Variants in CAPN9 observed in about 807,000 individuals in gnomAD.
CAPN9 encodes calpain 9, also known as calpain-9.
CAPN9 carries 81 observed loss-of-function variants against 92.8 expected under a neutral mutation model. The ratio of observed to expected loss-of-function variants is 0.87; its 90% confidence interval spans 0.73 to 1.05. CAPN9 has a LOEUF of 1.05. CAPN9 is among the 50% of genes least tolerant of loss of function. The probability of loss-of-function intolerance (pLI) is 0.00; values close to 1 mark genes in which losing one functional copy is unlikely to be tolerated. For missense variants in CAPN9, 848 were observed against 866.2 expected, an observed-to-expected ratio of 0.98 and a Z score of 0.26; for synonymous variants, 304 against 328.0, an observed-to-expected ratio of 0.93 and a Z score of 0.79.
chr1:230,787,515 T>G lies in CAPN9; in HGVS notation c.1519-7T>G. On this transcript the variant is annotated splice_region_variant and splice_polypyrimidine_tract_variant and intron_variant, in intron 12 of 19. Transcript: ENST00000271971. ...ATTTTGTGCAAGTTTCTTTGGCTGT[T>G]TTTTAGCCTCCAAAGCCAACTCCAC... is the stretch of plus-strand genomic sequence containing the variant. 6.2e-7 allele frequency: 1 copy of G among 1,613,194 alleles called. No homozygotes were observed. Among genetic ancestry groups the G allele is most frequent in the South Asian group, 1.1e-5 (1 of 91,010 alleles).
At chr1:230,774,505 T>G in intron 7 of CAPN9, 49 bp from the exon 8 acceptor site, 1 of 1,227,096 alleles carries the variant, frequency 8.1e-7, no homozygotes, top group Non-Finnish European at 1.2e-6. Context: ...AGGCCATTGT[T>G]GCTCTTCATC....
intron 3 of CAPN9, 110 bp from the exon 4 acceptor site, chr1:230,762,542 TG>T: frequency 7.8e-7 from 1 of 1,282,024 alleles, no homozygotes; most frequent in Non-Finnish European, 1.1e-6. Flanking sequence ...AAGCTGTCTA[TG>T]GGTAGCTTGG....
chr1:230,773,276 T>C (rs1412953954), intron 7 of CAPN9, among the ~76,000 whole-genome samples: 1 of 152,068 alleles, frequency 6.6e-6, no homozygotes, highest in African/African-American at 2.4e-5. Context: ...CCAAGAAGCA[T>C]TGGCAGAGAT....
At chr1:230,752,714 TGAG>T in intron 1 of CAPN9, 1 of 985,040 alleles carries the variant, frequency 1.0e-6, no homozygotes, top group Non-Finnish European at 1.2e-6. Context: ...TATGTCCACT[TGAG>T]GAGTGAGTAG....
At chr1:230,780,923 T>C (rs987843626) in intron 11 of CAPN9, among the ~76,000 whole-genome samples, 1 of 151,980 alleles carries the variant, frequency 6.6e-6, no homozygotes, top group African/African-American at 2.4e-5. Context: ...TGGAGTGCAA[T>C]GGTGCCATCT....
intron 17 of CAPN9, among the ~76,000 whole-genome samples, chr1:230,794,343 T>C (rs978885154): frequency 6.6e-6 from 1 of 152,004 alleles, no homozygotes; most frequent in Non-Finnish European, 1.5e-5. Context: ...TAACCAGTTG[T>C]GGTGGCAGGT....
intron 8 of CAPN9, among the ~76,000 whole-genome samples, chr1:230,775,101 A>C (rs1021536608): frequency 4.0e-5 from 6 of 151,890 alleles, no homozygotes; most frequent in African/African-American, 1.5e-4. Flanking sequence ...ATACACCCAG[A>C]TTAGAGGGAA....
At chr1:230,758,654 C>T (rs999862515) in intron 2 of CAPN9, among the ~76,000 whole-genome samples, 21 of 152,324 alleles carry the variant, frequency 1.4e-4, no homozygotes, top group Middle Eastern at 3.4e-3. Context: ...CAGTGACATA[C>T]GGTGCTTTCC....
chr1:230,792,552 G>A, intron 16 of CAPN9, 58 bp downstream of exon 16: 2 of 1,379,762 alleles, frequency 1.4e-6, no homozygotes, highest in East Asian at 2.3e-5. Context: ...TAGAGCAGAG[G>A]GGATTTAAAA....
chr1:230,791,090 G>T (rs567179033), intron 14 of CAPN9, among the ~76,000 whole-genome samples: 2 of 152,230 alleles, frequency 1.3e-5, no homozygotes, highest in Non-Finnish European at 2.9e-5. Flanking sequence ...ACATTCCATC[G>T]TATGGATGGG....
intron 8 of CAPN9, 132 bp from the exon 9 acceptor site, chr1:230,778,841 T>C: frequency 1.2e-5 from 9 of 778,482 alleles, no homozygotes; most frequent in Non-Finnish European, 1.6e-5. Context: ...CCCCACACTT[T>C]GCAGTCCCCC....
chr1:230,788,875 A>G (rs1389506399), intron 13 of CAPN9, among the ~76,000 whole-genome samples: 2 of 152,200 alleles, frequency 1.3e-5, no homozygotes, highest in Admixed American at 6.5e-5. Flanking sequence ...ATGGAGATCC[A>G]GAGTTTGGAA....
In CAPN9 at chr1:230,801,818, GGC is replaced by G; in HGVS notation, c.*225_*226del. 1 of 572,580 alleles carries G rather than the reference GGC, an allele frequency of 1.7e-6. No homozygotes were observed. The highest frequency in any genetic ancestry group is 3.1e-6 in the Non-Finnish European group (1 of 319,980). The allele number at this position is 572,580 out of a possible 1,614,324, so 35.5% of individuals were successfully genotyped here. On this transcript the variant is annotated 3_prime_UTR_variant, in exon 20 of 20. Transcript: ENST00000271971. ...AAGTCACTGCCTTAAGGGGGCTGAT[GGC>G]GCCACCTGTGCCTTACATCCAGGTT...
intron 4 of CAPN9, among the ~76,000 whole-genome samples, chr1:230,766,379 G>A (rs936948594): frequency 5.9e-5 from 9 of 152,166 alleles, no homozygotes; most frequent in African/African-American, 1.2e-4. Flanking sequence ...CACAATGTGC[G>A]ATGATCAAAT....
intron 1 of CAPN9, among the ~76,000 whole-genome samples, chr1:230,751,899 C>T (rs1323390756): frequency 6.6e-6 from 1 of 151,344 alleles, no homozygotes; most frequent in Non-Finnish European, 1.5e-5. Context: ...GTGCCTCCCT[C>T]GGGGCTTCAG....
intron 6 of CAPN9, among the ~76,000 whole-genome samples, chr1:230,770,985 C>T: frequency 6.6e-6 from 1 of 152,152 alleles, no homozygotes; most frequent in Non-Finnish European, 1.5e-5. Context: ...CTCCTTTGTC[C>T]TCCTTCACCA....
At chr1:230,780,361 C>T (rs1273733448) in intron 10 of CAPN9, 25 bp downstream of exon 10, 1 of 1,611,286 alleles carries the variant, frequency 6.2e-7, no homozygotes, top group African/African-American at 1.3e-5. Flanking sequence ...CACTGCATTT[C>T]AGAGTTCTCC....
At chr1:230,797,616 G>A (rs559143478) in intron 18 of CAPN9, among the ~76,000 whole-genome samples, 4 of 152,232 alleles carry the variant, frequency 2.6e-5, no homozygotes, top group South Asian at 4.1e-4. Flanking sequence ...GCTCGACCTC[G>A]TCTTCTGAAG....
At chr1:230,784,982 AC>A (rs1227354896) in intron 11 of CAPN9, among the ~76,000 whole-genome samples, 1 of 152,234 alleles carries the variant, frequency 6.6e-6, no homozygotes, top group Non-Finnish European at 1.5e-5. Context: ...CACCCTTTGT[AC>A]CAGTGTTCCC....
Sources: allele counts gnomAD v4.1 joint callset (sites outside exome capture counted in the v4.1 genomes callset), GRCh38; gene constraint gnomAD v4.1.1; transcripts MANE v1.5; gene names NCBI Gene and HGNC (gene_info 2026-07-23, HGNC 2026-07-21).